The following SYCP1 variants were observed in gnomAD, a reference collection of about 807,000 sequenced individuals.
SYCP1 encodes the protein synaptonemal complex protein 1.
In SYCP1, 64 loss-of-function variants were observed where a neutral mutation model predicts 153.1. The observed-to-expected ratio is 0.42, with a 90% CI of 0.34 to 0.51. The LOEUF (loss-of-function observed/expected upper bound fraction) is 0.51, where lower values mean the gene tolerates loss of function less well. Among genes scored for constraint, SYCP1 ranks in the 20% least tolerant of loss-of-function variants. The probability of loss-of-function intolerance (pLI) is 0.06; values close to 1 mark genes in which losing one functional copy is unlikely to be tolerated. For missense variants in SYCP1, 997 were observed against 1,049.0 expected, an observed-to-expected ratio of 0.95 and a Z score of 0.68; for synonymous variants, 384 against 341.8, an observed-to-expected ratio of 1.12 and a Z score of -1.36.
chr1:114,956,326 G>C (rs935815003), intron 27 of SYCP1, among the ~76,000 whole-genome samples: 2 of 152,172 alleles, frequency 1.3e-5, no homozygotes, highest in Non-Finnish European at 2.9e-5. Flanking sequence ...GCCCTGCTGA[G>C]AGATGTACAC....
At chr1:114,855,997 T>G (rs566130146) in intron 2 of SYCP1, among the ~76,000 whole-genome samples, 4 of 152,302 alleles carry the variant, frequency 2.6e-5, no homozygotes, top group Admixed American at 2.0e-4. Context: ...AGCTTCCTAG[T>G]GGATAGGGCA....
At chr1:114,925,477 C>A (rs1015302986) in intron 21 of SYCP1, among the ~76,000 whole-genome samples, 1 of 152,096 alleles carries the variant, frequency 6.6e-6, no homozygotes, top group African/African-American at 2.4e-5. Context: ...CCTGTTAAAA[C>A]AGTTTCCCAG....
chr1:114,979,355 C>G (rs1320407395), intron 28 of SYCP1, among the ~76,000 whole-genome samples: 1 of 151,712 alleles, frequency 6.6e-6, no homozygotes. Context: ...GGACATAGCA[C>G]ATGCCTTATA....
chr1:114,857,128 C>A (rs1332434540), intron 3 of SYCP1, 104 bp from the exon 4 acceptor site: 94 of 660,622 alleles, frequency 1.4e-4, no homozygotes, highest in Non-Finnish European at 1.9e-4. Flanking sequence ...CAGATGTCCT[C>A]TCTCTCTCAA....
rs773312938 is a variant in SYCP1 at position 114,856,685 on chromosome 1, G to A, written c.193+28G>A. On this transcript the variant is annotated intron_variant, in intron 3 of 31. Coordinates refer to ENST00000369522, the MANE Select transcript of SYCP1 (RefSeq NM_003176.4). ...AGGAGCATGGAAAAGCAGTGTATCA[G>A]CTTATATAGAAACATTGTGTTACAT... The A allele has an allele frequency of 3.3e-6, 5 of 1,525,630 alleles. No individual in the cohort carries two copies. The South Asian group carries it at 5.9e-5, about 18-fold the overall frequency. The allele number at this position is 1,525,630 out of a possible 1,614,324, so 94.5% of individuals were successfully genotyped here.
chr1:114,886,112 T>C lies in SYCP1; in HGVS notation c.1006-13T>C, dbSNP rs994791867. Reference sequence around the variant, plus strand: ...TGGATCATTGCTCTTGTTTTATACTTTATTTCATTTAGAGTACTCAAAAGG... The same window carrying C: ...TGGATCATTGCTCTTGTTTTATACTCTATTTCATTTAGAGTACTCAAAAGG... On this transcript the variant is annotated splice_polypyrimidine_tract_variant and intron_variant, in intron 13 of 31. Transcript: ENST00000369522. 13 of 1,554,794 alleles carry C rather than the reference T, an allele frequency of 8.4e-6. No individual in the cohort carries two copies. The highest frequency in any genetic ancestry group is 1.1e-5 in the Non-Finnish European group (13 of 1,154,162).
At chr1:114,926,703 T>G (rs1043022749) in intron 23 of SYCP1, 140 bp downstream of exon 23, 2 of 675,482 alleles carry the variant, frequency 3.0e-6, no homozygotes, top group African/African-American at 3.7e-5. Context: ...GTTGTTATCT[T>G]TTTAAATAGA....
intron 12 of SYCP1, 83 bp downstream of exon 12, chr1:114,878,285 G>A (rs1307998415): frequency 2.8e-5 from 26 of 913,084 alleles, no homozygotes; most frequent in Non-Finnish European, 4.3e-5. Context: ...TTACAAGTTT[G>A]TTGTAATGCT....
Position 114,868,227 on chromosome 1 carries a change from C to A in SYCP1, c.599-6279C>A, listed in dbSNP as rs984983174. Reference sequence around the variant, plus strand: ...GATCATAACTCACTATAGCCTTGAACTCCTGGGCTTAAGTGATCCTCCTGC... The same window carrying A: ...GATCATAACTCACTATAGCCTTGAAATCCTGGGCTTAAGTGATCCTCCTGC... On this transcript the variant is annotated intron_variant, in intron 8 of 31. Transcript: ENST00000369522. 1.1e-4 allele frequency among the ~76,000 whole-genome samples: 16 copies of A among 151,654 alleles called. 1 individual carries two copies. The highest frequency in any genetic ancestry group is 2.2e-4 in the Non-Finnish European group (15 of 67,946).
intron 27 of SYCP1, among the ~76,000 whole-genome samples, chr1:114,964,611 A>C (rs1378675577): frequency 6.6e-6 from 1 of 152,114 alleles, no homozygotes; most frequent in South Asian, 2.1e-4. Context: ...CAGTTTTCCC[A>C]ATACCATTTA....
intron 28 of SYCP1, among the ~76,000 whole-genome samples, chr1:114,978,790 A>G (rs976506907): frequency 2.6e-5 from 4 of 151,686 alleles, no homozygotes; most frequent in African/African-American, 9.7e-5. Flanking sequence ...TGTTCCAGAC[A>G]CTGTGCTAGA....
intron 27 of SYCP1, among the ~76,000 whole-genome samples, chr1:114,974,517 A>T (rs1374827996): frequency 6.6e-6 from 1 of 151,750 alleles, no homozygotes; most frequent in East Asian, 1.9e-4. Flanking sequence ...TCTTCCTCCC[A>T]GTCCTTGGCA....
chr1:114,984,180 C>T (rs1248370334), intron 29 of SYCP1, among the ~76,000 whole-genome samples: 1 of 152,206 alleles, frequency 6.6e-6, no homozygotes, highest in South Asian at 2.1e-4. Flanking sequence ...GCTGGGATTA[C>T]AGGCATAAGC....
At chr1:114,933,843 A>G (rs1332884324) in intron 23 of SYCP1, among the ~76,000 whole-genome samples, 2 of 152,200 alleles carry the variant, frequency 1.3e-5, no homozygotes, top group East Asian at 3.9e-4. Context: ...TGAAGCGAGA[A>G]GAGAAGTTTA....
chr1:114,859,708 CA>C, intron 6 of SYCP1, 34 bp from the exon 7 acceptor site: 2 of 993,888 alleles, frequency 2.0e-6, no homozygotes, highest in Non-Finnish European at 2.6e-6. Flanking sequence ...TGCTAATAAG[CA>C]AAATGGGATG....
rs574876287 is a variant in SYCP1 at position 114,938,970 on chromosome 1, T to C, written c.1927-5369T>C. On this transcript the variant is annotated intron_variant, in intron 23 of 31. Transcript: ENST00000369522. ...GAGCACTGTTGATGGGAATGTCAGA[T>C]GGTACAGTCACTGTGGAGAACAATT... is the stretch of plus-strand genomic sequence containing the variant. Among the ~76,000 whole-genome samples, 5 of 152,238 alleles carry C rather than the reference T, an allele frequency of 3.3e-5. No individual in the cohort carries two copies. In the East Asian group the frequency reaches 9.6e-4, roughly 29 times the overall value.
intron 25 of SYCP1, 46 bp downstream of exon 25, chr1:114,945,028 T>C (rs376481757): frequency 6.1e-6 from 8 of 1,310,972 alleles, no homozygotes; most frequent in Non-Finnish European, 8.4e-6. Flanking sequence ...ATTGGAGCCA[T>C]ATTTCTGTTA....
chr1:114,966,433 T>C (rs1236906103), intron 27 of SYCP1, among the ~76,000 whole-genome samples: 2 of 152,188 alleles, frequency 1.3e-5, no homozygotes, highest in African/African-American at 2.4e-5. Flanking sequence ...TTAATTGTGA[T>C]GTTAGGGTAT....
In SYCP1 at chr1:114,857,111, A is replaced by G. The variant is rs141525906; in HGVS notation, c.194-121A>G. 2.5e-4 allele frequency: 188 copies of G among 755,782 alleles called. 7 individuals carry two copies. In the East Asian group the frequency reaches 3.5e-3, roughly 14 times the overall value. 46.8% of individuals were successfully genotyped at this position (755,782 alleles called of 1,614,324 possible). On this transcript the variant is annotated intron_variant, in intron 3 of 31. Transcript: ENST00000369522. The stretch of plus-strand genomic sequence containing the variant: ...GGGTCACTGCCCTCTAGTCTAGGCA[A>G]TAGTGCCAGATGTCCTCTCTCTCTC...
Sources: gnomAD v4.1 joint callset for allele counts (sites outside exome capture counted in the v4.1 genomes callset) on GRCh38, gnomAD v4.1.1 for gene constraint, MANE v1.5 for transcripts, NCBI Gene and HGNC (gene_info 2026-07-23, HGNC 2026-07-21) for gene names.